Variants in SCNN1B observed in about 807,000 individuals in gnomAD.
SCNN1B encodes epithelial sodium channel subunit beta.
SCNN1B carries 46 observed loss-of-function variants against 65.3 expected under a neutral mutation model. The observed-to-expected ratio is 0.70, with a 90% CI of 0.56 to 0.90. The LOEUF (loss-of-function observed/expected upper bound fraction) is 0.90, where lower values mean the gene tolerates loss of function less well. Among genes scored for constraint, SCNN1B ranks in the 40% least tolerant of loss-of-function variants. The pLI, the probability that SCNN1B is intolerant of heterozygous loss-of-function variation, is 0.00. For synonymous variants in SCNN1B, 349 were observed against 330.6 expected, an observed-to-expected ratio of 1.06 and a Z score of -0.60; for missense variants, 751 against 830.5, an observed-to-expected ratio of 0.90 and a Z score of 1.18.
At chr16:23,353,377 A>C in intron 3 of SCNN1B, 1 of 448,610 alleles carries the variant, frequency 2.2e-6, no homozygotes, top group Non-Finnish European at 4.1e-6. Flanking sequence ...TATTCTAATG[A>C]GGTCATCAGG....
chr16:23,355,907 A>G (rs977806932), intron 4 of SCNN1B, among the ~76,000 whole-genome samples: 7 of 152,102 alleles, frequency 4.6e-5, no homozygotes, highest in Admixed American at 1.3e-4. Flanking sequence ...CCTGGGTAAT[A>G]TAGTGAGACT....
At position 23,379,165 on chromosome 16, in the gene SCNN1B, G is replaced by A. The variant is rs866038896; in HGVS notation, c.1466+398G>A. ...ATTCATCCTCCATTCTCCCACCCAC[G>A]CAGCCAGCCATCCTCCACCCATTCA... On this transcript the variant is annotated intron_variant, in intron 11 of 12. Coordinates refer to ENST00000343070, the MANE Select transcript of SCNN1B (RefSeq NM_000336.3). Among the ~76,000 whole-genome samples the A allele has an allele frequency of 3.3e-4, 45 of 137,638 alleles. 1 individual carries two copies. The highest frequency in any genetic ancestry group is 1.5e-4 in the African/African-American group (5 of 33,834). 90.3% of individuals were successfully genotyped at this position (137,638 alleles called of 152,430 possible). A position where few individuals can be genotyped will look rare whatever the true frequency, so the allele number is the denominator to read the frequency against.
At chr16:23,291,550 T>C (rs1254371230) in intron 2 of SCNN1B, among the ~76,000 whole-genome samples, 5 of 151,698 alleles carry the variant, frequency 3.3e-5, no homozygotes, top group African/African-American at 1.2e-4. Flanking sequence ...TTCTAAAACA[T>C]TGTCTCTGCA....
chr16:23,378,929 C>T (rs1367600238), intron 11 of SCNN1B, among the ~76,000 whole-genome samples, 162 bp downstream of exon 11: 1 of 152,068 alleles, frequency 6.6e-6, no homozygotes, highest in Non-Finnish European at 1.5e-5. Context: ...AGAGGAAAGG[C>T]AGCCAAGGGG....
chr16:23,355,558 A>G (rs1962403467), intron 4 of SCNN1B, 69 bp downstream of exon 4: 1 of 1,513,686 alleles, frequency 6.6e-7, no homozygotes, highest in Admixed American at 1.7e-5. Flanking sequence ...TACGGTTGGG[A>G]GCACAGCCTG....
At position 23,375,733 on chromosome 16, in the gene SCNN1B, C is replaced by T; in HGVS notation, c.1153-5C>T. 1 of 1,607,126 alleles carries T rather than the reference C, an allele frequency of 6.2e-7. No individual in the cohort carries two copies. The highest frequency in any genetic ancestry group is 8.5e-7 in the Non-Finnish European group (1 of 1,173,620). ...CTCTCCTTATGAACCCCCTACCCTC[C>T]CCAGGCCTGTCTTCGCTCCTGCTTC... On this transcript the variant is annotated splice_region_variant and splice_polypyrimidine_tract_variant and intron_variant, in intron 7 of 12. Coordinates refer to ENST00000343070, the MANE Select transcript of SCNN1B (RefSeq NM_000336.3).
In SCNN1B at chr16:23,374,372, G is replaced by A. The variant is rs542147798; in HGVS notation, c.1153-1366G>A. Among the ~76,000 whole-genome samples the A allele has an allele frequency of 6.8e-4, 102 of 150,168 alleles. 2 individuals carry two copies. In the South Asian group the frequency reaches 0.02, roughly 29 times the overall value. ...GTGGATCACTTGAGGTCAGGAGTTC[G>A]AGACCAGCCTGGCCAACATAGTGAA... is the stretch of plus-strand genomic sequence containing the variant. On this transcript the variant is annotated intron_variant, in intron 7 of 12. Coordinates refer to ENST00000343070, the MANE Select transcript of SCNN1B (RefSeq NM_000336.3).
chr16:23,286,784 C>T (rs1960856673), intron 2 of SCNN1B, among the ~76,000 whole-genome samples: 1 of 152,032 alleles, frequency 6.6e-6, no homozygotes, highest in African/African-American at 2.4e-5. Context: ...TTTAGAAAGA[C>T]TTAAGAGATG....
intron 1 of SCNN1B, among the ~76,000 whole-genome samples, chr16:23,313,157 A>G (rs2141987000): frequency 6.6e-6 from 1 of 152,320 alleles, no homozygotes; most frequent in East Asian, 1.9e-4. Flanking sequence ...AAATGAATGA[A>G]TGATGGATGG....
At chr16:23,320,312 C>CCTTTCTAACAAGCTCT (rs1961560919) in intron 1 of SCNN1B, among the ~76,000 whole-genome samples, 1 of 152,144 alleles carries the variant, frequency 6.6e-6, no homozygotes, top group Admixed American at 6.6e-5. Flanking sequence ...TGAGGATTTC[C>CCTTTCTAACAAGCTCT]CTTTCTAACA....
upstream of SCNN1B, among the ~76,000 whole-genome samples, chr16:23,301,632 A>G (rs1961086581): frequency 6.6e-6 from 1 of 152,188 alleles, no homozygotes; most frequent in Non-Finnish European, 1.5e-5. Flanking sequence ...GGAAGGGAAG[A>G]TTCGAGGAAA....
intron 7 of SCNN1B, 193 bp downstream of exon 7, chr16:23,372,076 C>T: frequency 3.1e-6 from 2 of 642,478 alleles, no homozygotes; most frequent in South Asian, 1.7e-5. Flanking sequence ...GGGTTGGCCA[C>T]TTCTCATCCC....
chr16:23,367,904 C>T lies in SCNN1B; in HGVS notation c.825C>T (p.Phe275=). ...CTCACTATGGCAACTGTTACATCTT[C>T]AACTGGGGCATGACAGAGAAGGCAC... is the stretch of plus-strand genomic sequence containing the variant. The part of the protein sequence containing the change: ...FYPHYGNCYI[F]NWGMTEKALP... The change falls in exon 5 of 13, where the codon TTC becomes TTT. Residue 275 remains phenylalanine (F), a synonymous_variant. Transcript: ENST00000343070. The T allele has an allele frequency of 6.2e-7, 1 of 1,614,246 alleles. No homozygotes were observed. Among genetic ancestry groups the T allele is most frequent in the South Asian group, 1.1e-5 (1 of 91,088 alleles).
chr16:23,294,961 C>A (rs1424964805), intron 2 of SCNN1B, among the ~76,000 whole-genome samples: 2 of 152,148 alleles, frequency 1.3e-5, no homozygotes, highest in African/African-American at 2.4e-5. Flanking sequence ...CTGCTGCACT[C>A]CAGCCTGGGT....
At chr16:23,283,475 T>C (rs542456220) in intron 1 of SCNN1B, among the ~76,000 whole-genome samples, 4 of 152,312 alleles carry the variant, frequency 2.6e-5, no homozygotes, top group Admixed American at 1.3e-4. Flanking sequence ...CCAAGCCTAA[T>C]TTATAAGAAG....
chr16:23,320,520 C>T (rs1215453680), intron 1 of SCNN1B, among the ~76,000 whole-genome samples: 1 of 152,210 alleles, frequency 6.6e-6, no homozygotes, highest in Non-Finnish European at 1.5e-5. Flanking sequence ...CTTCTTCAGT[C>T]AACTGTCTCT....
intron 2 of SCNN1B, among the ~76,000 whole-genome samples, chr16:23,352,579 C>T (rs1962332273): frequency 6.6e-6 from 1 of 152,168 alleles, no homozygotes; most frequent in Admixed American, 6.5e-5. Flanking sequence ...TGCCTTGCTT[C>T]CCCCTTCACC....
intron 4 of SCNN1B, among the ~76,000 whole-genome samples, chr16:23,362,768 C>T (rs1468198337): frequency 2.0e-5 from 3 of 152,244 alleles, no homozygotes; most frequent in African/African-American, 7.2e-5. Context: ...CTGCATCTGA[C>T]CAAGACAGTT....
intron 7 of SCNN1B, among the ~76,000 whole-genome samples, chr16:23,372,621 GTAGC>G (rs1962808586): frequency 6.6e-6 from 1 of 151,086 alleles, no homozygotes; most frequent in African/African-American, 2.4e-5. Flanking sequence ...AGCCTCCCGT[GTAGC>G]TGGGACTACA....
Sources: gnomAD v4.1 joint callset for allele counts (sites outside exome capture counted in the v4.1 genomes callset) on GRCh38, gnomAD v4.1.1 for gene constraint, MANE v1.5 for transcripts, NCBI Gene and HGNC (gene_info 2026-07-23, HGNC 2026-07-21) for gene names.